Variants in GTF3C1 observed in about 807,000 individuals in gnomAD.
GTF3C1 encodes the protein general transcription factor 3C polypeptide 1.
Under a neutral mutation model 226.7 loss-of-function variants are expected in GTF3C1, and 57 were observed. The ratio of observed to expected loss-of-function variants is 0.25; its 90% confidence interval spans 0.20 to 0.31. The LOEUF is 0.31. GTF3C1 is among the 10% of genes least tolerant of loss of function. The pLI, the probability that GTF3C1 is intolerant of heterozygous loss-of-function variation, is 1.00. For synonymous variants in GTF3C1, 1,090 were observed against 1,084.8 expected (o/e 1.00, Z -0.09); for missense variants, 2,217 against 2,776.1 (o/e 0.80, Z 4.53).
chr16:27,520,906 A>G (rs963065060), intron 6 of GTF3C1, among the ~76,000 whole-genome samples: 6 of 152,190 alleles, frequency 3.9e-5, no homozygotes, highest in African/African-American at 1.4e-4. Flanking sequence ...TTTAGCAGAG[A>G]TGGGGTTTCA....
chr16:27,465,910 T>A, intron 32 of GTF3C1: 1 of 271,816 alleles, frequency 3.7e-6, no homozygotes, highest in South Asian at 5.3e-5. Context: ...CATCCCTTCC[T>A]GCTGCTCATG....
At chr16:27,478,589 C>T (rs141460837) in intron 27 of GTF3C1, 58 bp from the exon 28 acceptor site, 56 of 1,173,266 alleles carry the variant, frequency 4.8e-5, no homozygotes, top group South Asian at 4.6e-4. Flanking sequence ...ACTAAGCAAG[C>T]GGATGCTGGC....
chr16:27,526,751 C>T (rs1230156767), intron 6 of GTF3C1, among the ~76,000 whole-genome samples: 1 of 152,242 alleles, frequency 6.6e-6, no homozygotes, highest in Admixed American at 6.5e-5. Context: ...TGAGGGTTTA[C>T]TCCTCTTATA....
At position 27,465,262 on chromosome 16, in the gene GTF3C1, G is replaced by C; in HGVS notation, c.5353C>G (p.Gln1785Glu). ...GRTRTFADCI[Q>E]ALLEQHQVLE... is the part of the protein sequence containing the mutation. ...GGCTAACCTAAAGCACAGCTCACCTGGATGCAATCTGCGAATGTCCTGGTG... is the reference window on the plus strand; with the variant it reads ...GGCTAACCTAAAGCACAGCTCACCTCGATGCAATCTGCGAATGTCCTGGTG... Residue 1785 changes from glutamine to glutamate, a missense_variant and splice_region_variant, in exon 33 of 37, where the codon CAG becomes GAG. Coordinates refer to ENST00000356183, the MANE Select transcript of GTF3C1 (RefSeq NM_001520.4). The C allele has an allele frequency of 6.2e-7, 1 of 1,613,892 alleles. No individual in the cohort carries two copies. Among genetic ancestry groups the C allele is most frequent in the Non-Finnish European group, 8.5e-7 (1 of 1,179,830 alleles).
chr16:27,489,242 G>T, intron 20 of GTF3C1, 64 bp from the exon 21 acceptor site: 1 of 1,571,044 alleles, frequency 6.4e-7, no homozygotes. Context: ...GAGAGCCCAT[G>T]GCATGGGTTG....
At chr16:27,476,600 G>A in intron 28 of GTF3C1, 56 bp from the exon 29 acceptor site, 1 of 973,454 alleles carries the variant, frequency 1.0e-6, no homozygotes, top group South Asian at 1.3e-5. Flanking sequence ...CTCAGCTCAG[G>A]CAGATGCAAT....
chr16:27,498,405 C>T (rs117465184), intron 13 of GTF3C1, among the ~76,000 whole-genome samples: 3,769 of 152,284 alleles, frequency 0.025, 71 homozygotes, highest in Non-Finnish European at 0.034. Flanking sequence ...AGTGCTCTGT[C>T]CACACTCTAT....
rs1372710790 is a variant in GTF3C1 at position 27,492,322 on chromosome 16, G to C, written c.3151+16C>G. ...AGCAAAAGCAGCCAGGTTCAGCCGAGACAGCCGACACCCACCTAGTGGGGT... is the reference window on the plus strand; with the variant it reads ...AGCAAAAGCAGCCAGGTTCAGCCGACACAGCCGACACCCACCTAGTGGGGT... On this transcript the variant is annotated intron_variant, in intron 19 of 36. Transcript: ENST00000356183. This position sits in a 1 kb window ranked among gnomAD's most constrained non-coding sequence, Gnocchi z 5.0. 1 of 1,513,306 alleles carries C rather than the reference G, an allele frequency of 6.6e-7. No homozygotes were observed. Among genetic ancestry groups the C allele is most frequent in the Non-Finnish European group, 9.1e-7 (1 of 1,101,804 alleles). The allele number at this position is 1,513,306 out of a possible 1,614,324, so 93.7% of individuals were successfully genotyped here.
chr16:27,499,386 G>A (rs1000380404), intron 12 of GTF3C1, among the ~76,000 whole-genome samples: 6 of 152,208 alleles, frequency 3.9e-5, no homozygotes, highest in African/African-American at 1.4e-4. Flanking sequence ...GGGGCAGGGT[G>A]TGTGTGAGCA....
intron 24 of GTF3C1, among the ~76,000 whole-genome samples, chr16:27,484,987 A>G (rs368930797): frequency 6.6e-6 from 1 of 152,220 alleles, no homozygotes; most frequent in Non-Finnish European, 1.5e-5. Flanking sequence ...CCAGAGCTGG[A>G]GCAGATGGAG....
At chr16:27,535,796 G>A (rs1368155504) in intron 4 of GTF3C1, among the ~76,000 whole-genome samples, 3 of 151,990 alleles carry the variant, frequency 2.0e-5, no homozygotes, top group African/African-American at 4.8e-5. Context: ...TGTGGTGAGC[G>A]GAGATCGCGC....
At position 27,461,611 on chromosome 16, in the gene GTF3C1, T is replaced by A; in HGVS notation, c.6118-49A>T. 1.5e-6 allele frequency: 2 copies of A among 1,366,262 alleles called. No homozygotes were observed. Among genetic ancestry groups the A allele is most frequent in the Non-Finnish European group, 2.1e-6 (2 of 961,810 alleles). 84.6% of individuals were successfully genotyped at this position (1,366,262 alleles called of 1,614,324 possible). ...TACAGCGGCACTGCCCTCGCCTGCTTGTTGATTTATTCTTCAAGCATTTAT... is the reference window on the plus strand; with the variant it reads ...TACAGCGGCACTGCCCTCGCCTGCTAGTTGATTTATTCTTCAAGCATTTAT... On this transcript the variant is annotated intron_variant, in intron 36 of 36. Coordinates refer to ENST00000356183, the MANE Select transcript of GTF3C1 (RefSeq NM_001520.4). This position sits in a 1 kb window ranked among gnomAD's most constrained non-coding sequence, Gnocchi z 5.3.
Position 27,549,745 on chromosome 16 carries a change from C to T in GTF3C1, c.146G>A (p.Arg49Gln), listed in dbSNP as rs758494905. 3 of 1,612,048 alleles carry T rather than the reference C, an allele frequency of 1.9e-6. No homozygotes were observed. In the African/African-American group the frequency reaches 4.0e-5, roughly 22 times the overall value. ...GATGCCCGGGTGCGTGGCGAGGGCCCGCCAGAGAAACTCCTGCGTGCAGGG... is the reference window on the plus strand; with the variant it reads ...GATGCCCGGGTGCGTGGCGAGGGCCTGCCAGAGAAACTCCTGCGTGCAGGG... ...LEPCTQEFLW[R>Q]ALATHPGISF... The change falls in exon 1 of 37, where the codon CGG becomes CAG. Residue 49 changes from arginine to glutamine, a missense_variant. By Grantham distance (43) the Arg-to-Gln change is conservative (BLOSUM62 1). Coordinates refer to ENST00000356183, the MANE Select transcript of GTF3C1 (RefSeq NM_001520.4).
intron 14 of GTF3C1, among the ~76,000 whole-genome samples, chr16:27,497,284 T>C (rs1461724862): frequency 1.3e-5 from 2 of 152,234 alleles, no homozygotes; most frequent in East Asian, 3.9e-4. Context: ...TGCCAGGGGA[T>C]TTGTCGAGTT....
chr16:27,488,724 G>A lies in GTF3C1; in HGVS notation c.3430-89C>T, dbSNP rs2088182343. The A allele has an allele frequency of 2.2e-5, 24 of 1,108,240 alleles. No individual in the cohort carries two copies. In the East Asian group the frequency reaches 4.7e-4, roughly 22 times the overall value. The allele number at this position is 1,108,240 out of a possible 1,614,324, so 68.7% of individuals were successfully genotyped here. A position where few individuals can be genotyped will look rare whatever the true frequency, so the allele number is the denominator to read the frequency against. ...TAACAAATGCACCGAGGTCTCTTAG[G>A]AAGGTAAGGGCCGCTGTGCACTGAC... is the stretch of plus-strand genomic sequence containing the variant. On this transcript the variant is annotated intron_variant, in intron 21 of 36. Coordinates refer to ENST00000356183, the MANE Select transcript of GTF3C1 (RefSeq NM_001520.4).
intron 6 of GTF3C1, among the ~76,000 whole-genome samples, chr16:27,514,777 C>T (rs576381565): frequency 2.6e-5 from 4 of 152,230 alleles, no homozygotes; most frequent in East Asian, 1.9e-4. Context: ...CAAACAAATG[C>T]CCCTTTGCTA....
At chr16:27,486,408 T>C (rs1227371426) in intron 23 of GTF3C1, among the ~76,000 whole-genome samples, 5 of 152,234 alleles carry the variant, frequency 3.3e-5, no homozygotes, top group Admixed American at 1.3e-4. Context: ...GAAGGCTCAA[T>C]GCAGCCTCTA....
chr16:27,498,298 T>C (rs1244376669), intron 13 of GTF3C1, among the ~76,000 whole-genome samples: 1 of 152,152 alleles, frequency 6.6e-6, no homozygotes, highest in East Asian at 1.9e-4. Context: ...ACATGGTTTA[T>C]GAACAAAATT....
chr16:27,528,144 G>A (rs758277384), intron 6 of GTF3C1, among the ~76,000 whole-genome samples: 4 of 152,098 alleles, frequency 2.6e-5, no homozygotes, highest in Admixed American at 6.6e-5. Context: ...GCATGGTGGC[G>A]GGCACCTGCA....
Sources: allele counts gnomAD v4.1 joint callset (sites outside exome capture counted in the v4.1 genomes callset), GRCh38; gene constraint gnomAD v4.1.1; non-coding constraint Gnocchi (gnomAD v3.1); transcripts MANE v1.5; gene names NCBI Gene and HGNC (gene_info 2026-07-23, HGNC 2026-07-21).